The following NAP1L4 variants were observed in gnomAD, a reference collection of about 807,000 sequenced individuals.
The protein encoded by NAP1L4 is nucleosome assembly protein 1 like 4, also known as nucleosome assembly protein 1-like 4.
In NAP1L4, 15 loss-of-function variants were observed where a neutral mutation model predicts 58.2. The observed-to-expected ratio is 0.26, with a 90% CI of 0.17 to 0.40. NAP1L4 has a LOEUF of 0.40. Ranked by LOEUF, NAP1L4 falls within the 10% of genes least tolerant of loss-of-function variation. NAP1L4 has a pLI of 1.00. For synonymous variants in NAP1L4, 171 were observed against 155.6 expected (o/e 1.10, Z -0.74); for missense variants, 384 against 451.1 (o/e 0.85, Z 1.35).
At position 2,949,893 on chromosome 11, in the gene NAP1L4, C is replaced by T. The variant is rs1846132216; in HGVS notation, c.1123-629G>A. Among the ~76,000 whole-genome samples the T allele has an allele frequency of 6.6e-6, 1 of 152,226 alleles. No individual in the cohort carries two copies. The highest frequency in any genetic ancestry group is 2.1e-4 in the South Asian group (1 of 4,830). On this transcript the variant is annotated intron_variant, in intron 14 of 15. Coordinates refer to ENST00000380542, the MANE Select transcript of NAP1L4 (RefSeq NM_005969.4). The surrounding 1 kb of genome is among the most constrained non-coding windows in gnomAD (Gnocchi z 4.0). The stretch of plus-strand genomic sequence containing the variant: ...TGCAACAAGGACAGAGGCAGCTGTG[C>T]GCGGAGTCTGAGGAGGTGGCCCTGC...
At chr11:2,970,991 A>G (rs1484720301) in intron 6 of NAP1L4, among the ~76,000 whole-genome samples, 1 of 152,190 alleles carries the variant, frequency 6.6e-6, no homozygotes, top group Admixed American at 6.5e-5. Context: ...GTCACTAGAA[A>G]AAGGCTGTGA....
intron 8 of NAP1L4, among the ~76,000 whole-genome samples, chr11:2,960,792 C>T (rs73406363): frequency 0.024 from 3,662 of 152,174 alleles, 158 homozygotes; most frequent in African/African-American, 0.083. Context: ...ATGGATGCAT[C>T]GATATGTGCA....
intron 8 of NAP1L4, chr11:2,960,163 C>CGT (rs1564977745): frequency 2.6e-6 from 1 of 388,826 alleles, no homozygotes; most frequent in Non-Finnish European, 4.7e-6. Context: ...CACCAATAGG[C>CGT]GTCAAGCTCT....
At chr11:2,991,565 G>A (rs1848968233) in intron 1 of NAP1L4, among the ~76,000 whole-genome samples, 1 of 152,140 alleles carries the variant, frequency 6.6e-6, no homozygotes, top group Non-Finnish European at 1.5e-5. Context: ...ACTCAGGCCA[G>A]TCCTCGGGGA....
intron 3 of NAP1L4, among the ~76,000 whole-genome samples, chr11:2,977,508 T>C (rs1848034830): frequency 6.6e-6 from 1 of 152,110 alleles, no homozygotes; most frequent in Admixed American, 6.6e-5. Flanking sequence ...TGTTGATGTA[T>C]TAATAAAAGA....
chr11:2,963,098 C>CAAAAAA (rs55650724), intron 8 of NAP1L4, among the ~76,000 whole-genome samples: 85 of 96,992 alleles, frequency 8.8e-4, no homozygotes, highest in Middle Eastern at 6.0e-3. Context: ...GACTCGGTCT[C>CAAAAAA]AAAAAAAAAA....
intron 7 of NAP1L4, among the ~76,000 whole-genome samples, chr11:2,967,748 T>C (rs1415685563): frequency 2.0e-5 from 3 of 152,062 alleles, no homozygotes; most frequent in African/African-American, 7.2e-5. Flanking sequence ...TATCAACCCC[T>C]GCATATCTTT....
intron 2 of NAP1L4, 146 bp downstream of exon 2, chr11:2,979,061 G>T: frequency 2.6e-6 from 2 of 781,238 alleles, no homozygotes; most frequent in Non-Finnish European, 4.2e-6. Flanking sequence ...TTCTTTACGT[G>T]CTCAAATACA....
chr11:2,959,925 CA>C lies in NAP1L4; in HGVS notation c.607-17del, dbSNP rs1846757976. ...ACACAAAAGACTAAAAGTAGAAATT[CA>C]GAGTAAGCACCAGTTAAAATAGAAA... On this transcript the variant is annotated splice_polypyrimidine_tract_variant and intron_variant, in intron 8 of 15. Coordinates refer to ENST00000380542, the MANE Select transcript of NAP1L4 (RefSeq NM_005969.4). The surrounding 1 kb of genome is among the most constrained non-coding windows in gnomAD (Gnocchi z 4.9). 6.2e-7 allele frequency: 1 copy of C among 1,613,042 alleles called. No individual in the cohort carries two copies.
intron 1 of NAP1L4, among the ~76,000 whole-genome samples, chr11:2,981,340 T>C (rs1463028772): frequency 7.3e-6 from 1 of 137,566 alleles, no homozygotes; most frequent in African/African-American, 2.7e-5. Flanking sequence ...AGCCCAGGAG[T>C]TGGAGGCCTG....
intron 10 of NAP1L4, 137 bp downstream of exon 10, chr11:2,958,262 G>T: frequency 1.1e-6 from 1 of 870,032 alleles, no homozygotes; most frequent in Non-Finnish European, 1.9e-6. Flanking sequence ...GAACAGCCTG[G>T]GACACAGCAA....
chr11:2,957,121 C>A (rs1359029490), intron 10 of NAP1L4, among the ~76,000 whole-genome samples: 1 of 151,928 alleles, frequency 6.6e-6, no homozygotes, highest in African/African-American at 2.4e-5. Context: ...ATTATCAACT[C>A]CATTTTTATC....
At chr11:2,981,418 CAAAAAAAAAAAAAAA>C (rs35499396) in intron 1 of NAP1L4, among the ~76,000 whole-genome samples, 3 of 41,284 alleles carry the variant, frequency 7.3e-5, no homozygotes, top group East Asian at 3.3e-3. Flanking sequence ...TACCCTGTCT[CAAAAAAAAAAAAAAA>C]AAAAAAAAAA....
intron 2 of NAP1L4, among the ~76,000 whole-genome samples, chr11:2,978,857 A>G (rs1170862338): frequency 6.6e-6 from 1 of 152,234 alleles, no homozygotes; most frequent in East Asian, 1.9e-4. Flanking sequence ...CAAATAATAT[A>G]CACAACTAAA....
intron 3 of NAP1L4, among the ~76,000 whole-genome samples, chr11:2,977,519 T>C (rs1413422187): frequency 1.3e-5 from 2 of 152,138 alleles, no homozygotes; most frequent in Non-Finnish European, 2.9e-5. Context: ...TAATAAAAGA[T>C]GCAAAAGGTA....
chr11:2,971,430 A>G lies in NAP1L4; in HGVS notation c.402+18T>C. On this transcript the variant is annotated intron_variant, in intron 6 of 15. Transcript: ENST00000380542. This position sits in a 1 kb window ranked among gnomAD's most constrained non-coding sequence, Gnocchi z 4.2. Reference sequence around the variant, plus strand: ...AGTATTAAAACAGAACATGAGTCACATGTTTCTAAAGACTTACAGCCAATT... The same window carrying G: ...AGTATTAAAACAGAACATGAGTCACGTGTTTCTAAAGACTTACAGCCAATT... 6.2e-7 allele frequency: 1 copy of G among 1,607,344 alleles called. No homozygotes were observed. The highest frequency in any genetic ancestry group is 8.5e-7 in the Non-Finnish European group (1 of 1,175,036).
At position 2,958,874 on chromosome 11, in the gene NAP1L4, G is replaced by A. The variant is rs1466443864; in HGVS notation, c.747-330C>T. 1.5e-5 allele frequency: 4 copies of A among 268,318 alleles called. No homozygotes were observed. In the Admixed American group the frequency reaches 1.5e-4, roughly 10 times the overall value. 16.6% of individuals were successfully genotyped at this position (268,318 alleles called of 1,614,324 possible). A position where few individuals can be genotyped will look rare whatever the true frequency, so the allele number is the denominator to read the frequency against. On this transcript the variant is annotated intron_variant, in intron 9 of 15. Transcript: ENST00000380542. ...GCATGATGCACAAGAACTTGTCCGC[G>A]GTTTCCCAAGGAAGGAGGAGTTGCT...
chr11:2,945,576 C>T lies in NAP1L4; in HGVS notation c.*103G>A. 2 of 1,534,728 alleles carry T rather than the reference C, an allele frequency of 1.3e-6. No homozygotes were observed. Among genetic ancestry groups the T allele is most frequent in the Non-Finnish European group, 1.7e-6 (2 of 1,145,796 alleles). ...CCCGCCCACAGGCCTGGAGTCCCGA[C>T]AGCCGGTCTGCCAGGCACCCGCCTC... On this transcript the variant is annotated 3_prime_UTR_variant, in exon 16 of 16. Transcript: ENST00000380542.
At chr11:2,953,124 T>G (rs1365629254) in intron 12 of NAP1L4, among the ~76,000 whole-genome samples, 2 of 152,150 alleles carry the variant, frequency 1.3e-5, no homozygotes, top group African/African-American at 2.4e-5. Context: ...GTCTGAGCAG[T>G]CTAATCTGAG....
Sources: gnomAD v4.1 joint callset for allele counts (sites outside exome capture counted in the v4.1 genomes callset) on GRCh38, gnomAD v4.1.1 for gene constraint, Gnocchi (gnomAD v3.1) non-coding constraint, MANE v1.5 for transcripts, NCBI Gene and HGNC (gene_info 2026-07-23, HGNC 2026-07-21) for gene names.